The following NEGR1 variants were observed in gnomAD, a reference collection of about 807,000 sequenced individuals.
The protein encoded by NEGR1 is IgLON family member 4.
A neutral mutation model predicts 40.9 loss-of-function variants in NEGR1; 10 were observed. The observed-to-expected ratio is 0.24, with a 90% CI of 0.15 to 0.42. NEGR1 has a LOEUF of 0.42. Ranked by LOEUF, NEGR1 falls within the 10% of genes least tolerant of loss-of-function variation. The pLI, the probability that NEGR1 is intolerant of heterozygous loss-of-function variation, is 1.00. For missense variants in NEGR1, 352 were observed against 438.9 expected (o/e 0.80, Z 1.77); for synonymous variants, 185 against 166.8 (o/e 1.11, Z -0.84).
At chr1:71,615,655 G>C (rs1650424062) in intron 4 of NEGR1, among the ~76,000 whole-genome samples, 2 of 152,190 alleles carry the variant, frequency 1.3e-5, no homozygotes, top group South Asian at 4.1e-4. Flanking sequence ...AGGTGGGGCA[G>C]GGGGCTGGAG....
intron 2 of NEGR1, among the ~76,000 whole-genome samples, chr1:71,849,209 A>G (rs565778314): frequency 4.9e-4 from 74 of 152,338 alleles, no homozygotes; most frequent in South Asian, 1.0e-3. Context: ...ACCATTTTAG[A>G]TGTCATTAAG....
chr1:72,027,897 A>C (rs1276196878), intron 1 of NEGR1, among the ~76,000 whole-genome samples: 1 of 152,228 alleles, frequency 6.6e-6, no homozygotes, highest in East Asian at 1.9e-4. Flanking sequence ...GTGCATGTGA[A>C]GAGGATCCCC....
chr1:71,560,622 G>A (rs1167090248), intron 6 of NEGR1, among the ~76,000 whole-genome samples: 1 of 150,598 alleles, frequency 6.6e-6, no homozygotes, highest in African/African-American at 2.4e-5. Context: ...AATCATACTG[G>A]GTTTTGGTTA....
intron 1 of NEGR1, among the ~76,000 whole-genome samples, chr1:72,203,046 A>G (rs1653271949): frequency 3.3e-5 from 5 of 152,050 alleles, no homozygotes; most frequent in Admixed American, 3.3e-4. Flanking sequence ...GAGATGTACA[A>G]AGAGATTAAT....
At chr1:71,864,212 T>C (rs1044102630) in intron 2 of NEGR1, among the ~76,000 whole-genome samples, 1 of 152,278 alleles carries the variant, frequency 6.6e-6, no homozygotes, top group Non-Finnish European at 1.5e-5. Context: ...GTATCACTCA[T>C]GCTAAGTGAT....
At chr1:72,134,644 CTTT>C (rs57127142) in intron 1 of NEGR1, among the ~76,000 whole-genome samples, 1,788 of 146,402 alleles carry the variant, frequency 0.012, 27 homozygotes, top group African/African-American at 0.031. Flanking sequence ...TAGAGGTTTC[CTTT>C]TTTTTTTTTT....
chr1:72,116,730 C>T (rs1164041279), intron 1 of NEGR1, among the ~76,000 whole-genome samples: 1 of 151,588 alleles, frequency 6.6e-6, no homozygotes, highest in Non-Finnish European at 1.5e-5. Flanking sequence ...AAATAAGTAG[C>T]ATTTAACACT....
chr1:72,178,432 C>T (rs977788125), intron 1 of NEGR1, among the ~76,000 whole-genome samples: 3 of 151,504 alleles, frequency 2.0e-5, no homozygotes, highest in Non-Finnish European at 2.9e-5. Context: ...AATTCCCTTG[C>T]CCTCTACCTA....
intron 6 of NEGR1, among the ~76,000 whole-genome samples, chr1:71,546,790 G>C (rs1250842477): frequency 6.6e-5 from 10 of 151,582 alleles, no homozygotes; most frequent in Non-Finnish European, 1.3e-4. Context: ...TTGGGTAAGG[G>C]GTGGCCCTCA....
At chr1:71,861,480 G>A (rs538183709) in intron 2 of NEGR1, among the ~76,000 whole-genome samples, 25 of 152,128 alleles carry the variant, frequency 1.6e-4, no homozygotes, top group African/African-American at 6.0e-4. Flanking sequence ...ACTAGAATCA[G>A]ATTCCTAGAC....
chr1:71,740,482 CTATCCA>C (rs1450274844), intron 3 of NEGR1, among the ~76,000 whole-genome samples: 1 of 152,114 alleles, frequency 6.6e-6, no homozygotes, highest in Admixed American at 6.6e-5. Context: ...TAACGAGACA[CTATCCA>C]CATCCTAGGA....
intron 2 of NEGR1, among the ~76,000 whole-genome samples, chr1:71,848,072 T>C (rs896139762): frequency 6.6e-6 from 1 of 152,136 alleles, no homozygotes; most frequent in Non-Finnish European, 1.5e-5. Flanking sequence ...CAAAGCCTAA[T>C]CCACAGAAAG....
intron 3 of NEGR1, among the ~76,000 whole-genome samples, chr1:71,762,740 A>C (rs1330485904): frequency 6.6e-6 from 1 of 152,170 alleles, no homozygotes; most frequent in African/African-American, 2.4e-5. Context: ...ACTTACATGT[A>C]AGTGTACACT....
intron 1 of NEGR1, among the ~76,000 whole-genome samples, chr1:72,011,419 A>G (rs973894137): frequency 2.0e-5 from 3 of 152,180 alleles, no homozygotes; most frequent in African/African-American, 7.2e-5. Flanking sequence ...ATACTGATGT[A>G]CAGATCAAAC....
At chr1:72,074,322 T>C (rs1647620633) in intron 1 of NEGR1, among the ~76,000 whole-genome samples, 1 of 152,128 alleles carries the variant, frequency 6.6e-6, no homozygotes, top group African/African-American at 2.4e-5. Context: ...TAAGAATTGC[T>C]ACAAAATAAT....
intron 4 of NEGR1, among the ~76,000 whole-genome samples, chr1:71,639,125 A>G (rs1651261826): frequency 6.6e-6 from 1 of 151,510 alleles, no homozygotes; most frequent in South Asian, 2.1e-4. Context: ...TGGTGCTCAG[A>G]GTACAGTGTA....
chr1:71,573,189 T>C (rs1226343315), intron 6 of NEGR1, among the ~76,000 whole-genome samples: 1 of 151,978 alleles, frequency 6.6e-6, no homozygotes, highest in Non-Finnish European at 1.5e-5. Context: ...GTTAGCTACA[T>C]GAATAGAATA....
intron 1 of NEGR1, among the ~76,000 whole-genome samples, chr1:72,189,358 A>T (rs1291606662): frequency 6.6e-6 from 1 of 151,466 alleles, no homozygotes; most frequent in Non-Finnish European, 1.5e-5. Flanking sequence ...ACTCATATTA[A>T]TCTTATACTC....
At chr1:71,940,141 A>G (rs545988896) in intron 1 of NEGR1, among the ~76,000 whole-genome samples, 2 of 152,306 alleles carry the variant, frequency 1.3e-5, no homozygotes, top group East Asian at 3.9e-4. Flanking sequence ...TCTGGTCACA[A>G]ATTCAGATCT....
Sources: gnomAD v4.1 joint callset for allele counts (sites outside exome capture counted in the v4.1 genomes callset) on GRCh38, gnomAD v4.1.1 for gene constraint, MANE v1.5 for transcripts, NCBI Gene and HGNC (gene_info 2026-07-23, HGNC 2026-07-21) for gene names.